PHACTR2: variants seen among roughly 807,000 people sequenced by gnomAD.
PHACTR2 encodes chromosome 6 open reading frame 56.
In PHACTR2, 30 loss-of-function variants were observed where a neutral mutation model predicts 76.0. That is an observed-to-expected ratio of 0.39 (90% CI 0.30 to 0.54). PHACTR2 has a LOEUF of 0.54. Ranked by LOEUF, PHACTR2 falls within the 20% of genes least tolerant of loss-of-function variation. The pLI, the probability that PHACTR2 is intolerant of heterozygous loss-of-function variation, is 0.61. For missense variants in PHACTR2, 696 were observed against 781.1 expected, an observed-to-expected ratio of 0.89 and a Z score of 1.30; for synonymous variants, 292 against 292.5, an observed-to-expected ratio of 1.00 and a Z score of 0.02.
At chr6:143,817,706 A>G (rs1211453608) in intron 12 of PHACTR2, among the ~76,000 whole-genome samples, 1 of 152,258 alleles carries the variant, frequency 6.6e-6, no homozygotes, top group African/African-American at 2.4e-5. Context: ...TTACACCAGC[A>G]TGGATGAACC....
chr6:143,735,530 A>G (rs551336557), intron 2 of PHACTR2, among the ~76,000 whole-genome samples: 34 of 152,114 alleles, frequency 2.2e-4, no homozygotes, highest in Middle Eastern at 3.4e-3. Context: ...TGTGCAACAG[A>G]CCTCCCGAAC....
intron 4 of PHACTR2, among the ~76,000 whole-genome samples, chr6:143,756,135 A>G (rs1779291635): frequency 6.6e-6 from 1 of 152,176 alleles, no homozygotes; most frequent in African/African-American, 2.4e-5. Context: ...ATATCTCTTC[A>G]TAAGACAATA....
Position 143,733,503 on chromosome 6 carries a change from A to C in PHACTR2, c.215-15482A>C, listed in dbSNP as rs1562286575. 6.6e-6 allele frequency among the ~76,000 whole-genome samples: 1 copy of C among 152,168 alleles called. No individual in the cohort carries two copies. Among genetic ancestry groups the C allele is most frequent in the East Asian group, 1.9e-4 (1 of 5,186 alleles). On this transcript the variant is annotated intron_variant, in intron 2 of 12. Transcript: ENST00000440869. The surrounding 1 kb of genome is among the most constrained non-coding windows in gnomAD (Gnocchi z 4.0). ...TTGCAAGTGAATCTTTTCGATTTGG[A>C]AAGTGCTGGATTTGGGGTGAGGGGT...
In PHACTR2 at chr6:143,648,836, G is replaced by A. The variant is rs960436364; in HGVS notation, c.13+40514G>A. Among the ~76,000 whole-genome samples the A allele has an allele frequency of 4.0e-5, 6 of 151,768 alleles. No individual in the cohort carries two copies. Among genetic ancestry groups the A allele is most frequent in the Non-Finnish European group, 7.4e-5 (5 of 67,926 alleles). Reference sequence around the variant, plus strand: ...TGTGTATATCTGTGTGTATACAAGTGTGTGTCTGTGTATGTGTCCATGTGT... The same window carrying A: ...TGTGTATATCTGTGTGTATACAAGTATGTGTCTGTGTATGTGTCCATGTGT... On this transcript the variant is annotated intron_variant, in intron 1 of 11. Coordinates refer to the PHACTR2 transcript ENST00000305766. This position sits in a 1 kb window ranked among gnomAD's most constrained non-coding sequence, Gnocchi z 6.7.
rs997838164 is a variant in PHACTR2, at chr6:143,546,969, C to T, written c.217+9762C>T. ...GAAAGATTGCTTGAATCCAGCAGTTCGATGCTGCAGTGAGCTGTGATTGTG... is the reference window on the plus strand; with the variant it reads ...GAAAGATTGCTTGAATCCAGCAGTTTGATGCTGCAGTGAGCTGTGATTGTG... On this transcript the variant is annotated intron_variant, in intron 1 of 11. Coordinates refer to the PHACTR2 transcript ENST00000367584. The surrounding 1 kb of genome is among the most constrained non-coding windows in gnomAD (Gnocchi z 4.9). Among the ~76,000 whole-genome samples, 35 of 151,704 alleles carry T rather than the reference C, an allele frequency of 2.3e-4. No homozygotes were observed. The highest frequency in any genetic ancestry group is 3.1e-4 in the African/African-American group (13 of 41,366).
intron 4 of PHACTR2, among the ~76,000 whole-genome samples, chr6:143,756,028 T>G (rs1779289490): frequency 6.6e-6 from 1 of 152,010 alleles, no homozygotes; most frequent in East Asian, 1.9e-4. Context: ...CTCCCTTTCC[T>G]CCTGCATGAA....
chr6:143,818,427 G>A lies in PHACTR2; in HGVS notation c.1923-5247G>A, dbSNP rs926794. Reference sequence around the variant, plus strand: ...AAGATGATATAGGAGTACTTTCATCGTAAGATTGTTTTGGGGATTAAATGA... The same window carrying A: ...AAGATGATATAGGAGTACTTTCATCATAAGATTGTTTTGGGGATTAAATGA... On this transcript the variant is annotated intron_variant, in intron 12 of 12. Transcript: ENST00000440869. This position sits in a 1 kb window ranked among gnomAD's most constrained non-coding sequence, Gnocchi z 4.9. Among the ~76,000 whole-genome samples, 39,567 of 152,108 alleles carry A rather than the reference G, an allele frequency of 0.26. 5,446 individuals carry two copies. The highest frequency in any genetic ancestry group is 0.39 in the Admixed American group (5,911 of 15,268).
At chr6:143,665,582 C>T (rs1301476888) in intron 1 of PHACTR2, among the ~76,000 whole-genome samples, 2 of 152,300 alleles carry the variant, frequency 1.3e-5, no homozygotes, top group South Asian at 2.1e-4. Flanking sequence ...TTGTCTCCCA[C>T]ACCCCACATT....
intron 2 of PHACTR2, among the ~76,000 whole-genome samples, chr6:143,744,405 A>G (rs1431298987): frequency 6.6e-6 from 1 of 152,254 alleles, no homozygotes; most frequent in Admixed American, 6.5e-5. Flanking sequence ...CACAGCAGTA[A>G]GCAAAACAGA....
chr6:143,737,282 T>A (rs1440883166), intron 2 of PHACTR2, among the ~76,000 whole-genome samples: 1 of 151,384 alleles, frequency 6.6e-6, no homozygotes, highest in African/African-American at 2.4e-5. Flanking sequence ...CTATTCTTTT[T>A]AAATTAAATT....
rs1375478942 is a variant in PHACTR2, at chr6:143,556,656, A to C, written c.217+19449A>C. Reference sequence around the variant, plus strand: ...CCAGCTTGGAGGACTCTAGGTTTGAAGCTTTCAGCTGCTATCAGATTTGAA... The same window carrying C: ...CCAGCTTGGAGGACTCTAGGTTTGACGCTTTCAGCTGCTATCAGATTTGAA... On this transcript the variant is annotated intron_variant, in intron 1 of 11. Transcript: ENST00000367584. The surrounding 1 kb of genome is among the most constrained non-coding windows in gnomAD (Gnocchi z 4.3). Among the ~76,000 whole-genome samples, 2 of 152,196 alleles carry C rather than the reference A, an allele frequency of 1.3e-5. No homozygotes were observed. The highest frequency in any genetic ancestry group is 1.3e-4 in the Admixed American group (2 of 15,276).
rs1468690808 is a variant in PHACTR2 at position 143,823,438 on chromosome 6, TAAG to T, written c.1923-235_1923-233del. Among the ~76,000 whole-genome samples the T allele has an allele frequency of 1.2e-4, 18 of 152,226 alleles. No individual in the cohort carries two copies. Among genetic ancestry groups the T allele is most frequent in the Admixed American group, 1.2e-3 (18 of 15,280 alleles). On this transcript the variant is annotated intron_variant, in intron 12 of 12. Coordinates refer to ENST00000440869, the MANE Select transcript of PHACTR2 (RefSeq NM_001100164.2). The surrounding 1 kb of genome is among the most constrained non-coding windows in gnomAD (Gnocchi z 5.7). The stretch of plus-strand genomic sequence containing the variant: ...AATACTATAACCAGCATCTTTTATA[TAAG>T]GTTTCCTTATATGCTTATATGTAAA...
At chr6:143,655,513 T>A (rs1381110746) in intron 1 of PHACTR2, among the ~76,000 whole-genome samples, 1 of 152,206 alleles carries the variant, frequency 6.6e-6, no homozygotes, top group East Asian at 1.9e-4. Context: ...AATCACAAAA[T>A]ATAGATGATT....
intron 1 of PHACTR2, among the ~76,000 whole-genome samples, chr6:143,630,693 C>A (rs1157660988): frequency 2.0e-5 from 3 of 152,182 alleles, no homozygotes; most frequent in African/African-American, 7.2e-5. Context: ...CTGAACAGAG[C>A]AGGTCTACAT....
In PHACTR2 at chr6:143,815,789, G is replaced by A. The variant is rs1337328743; in HGVS notation, c.1923-7885G>A. Among the ~76,000 whole-genome samples the A allele has an allele frequency of 2.0e-5, 3 of 151,868 alleles. No homozygotes were observed. In the East Asian group the frequency reaches 5.8e-4, roughly 29 times the overall value. On this transcript the variant is annotated intron_variant, in intron 12 of 12. Coordinates refer to ENST00000440869, the MANE Select transcript of PHACTR2 (RefSeq NM_001100164.2). ...TGCCTGTATTCCCAGCTACTCTGGA[G>A]GCTAAGGCAGGAGAATCACTTGAAC...
rs1776669350 is a variant in PHACTR2, at chr6:143,646,939, A to T, written c.13+38617A>T. Among the ~76,000 whole-genome samples, 1 of 152,344 alleles carries T rather than the reference A, an allele frequency of 6.6e-6. No homozygotes were observed. On this transcript the variant is annotated intron_variant, in intron 1 of 11. Coordinates refer to the PHACTR2 transcript ENST00000305766. This position sits in a 1 kb window ranked among gnomAD's most constrained non-coding sequence, Gnocchi z 4.1. ...TGATCACGATGATTCTCTATAATCA[A>T]CATTTCTTAAGTGCCCAGTGAGGTA...
At chr6:143,788,735 GT>G in intron 10 of PHACTR2, 37 bp from the exon 11 acceptor site, 3 of 1,578,222 alleles carry the variant, frequency 1.9e-6, no homozygotes, top group Non-Finnish European at 1.7e-6. Flanking sequence ...GCTGTAAGTG[GT>G]TTACTGAACT....
intron 1 of PHACTR2, among the ~76,000 whole-genome samples, chr6:143,707,931 G>A (rs1778090412): frequency 6.6e-6 from 1 of 152,070 alleles, no homozygotes; most frequent in Non-Finnish European, 1.5e-5. Context: ...AGAGGGAGGT[G>A]CTACACACTT....
At position 143,688,875 on chromosome 6, in the gene PHACTR2, T is replaced by C. The variant is rs1418314899; in HGVS notation, c.46+10666T>C. On this transcript the variant is annotated intron_variant, in intron 1 of 12. Transcript: ENST00000440869. This position sits in a 1 kb window ranked among gnomAD's most constrained non-coding sequence, Gnocchi z 5.2. The stretch of plus-strand genomic sequence containing the variant: ...TTAAAGCATAAATCATGTCACTCAC[T>C]CACTCAAAACCTTCCTGTCCTCCCA... Among the ~76,000 whole-genome samples, 2 of 152,158 alleles carry C rather than the reference T, an allele frequency of 1.3e-5. No individual in the cohort carries two copies. Among genetic ancestry groups the C allele is most frequent in the Non-Finnish European group, 2.9e-5 (2 of 68,018 alleles).
Sources: gnomAD v4.1 joint callset for allele counts (sites outside exome capture counted in the v4.1 genomes callset) on GRCh38, gnomAD v4.1.1 for gene constraint, Gnocchi (gnomAD v3.1) non-coding constraint, MANE v1.5 for transcripts, NCBI Gene and HGNC (gene_info 2026-07-23, HGNC 2026-07-21) for gene names.